EPS15: variants seen among roughly 807,000 people sequenced by gnomAD.
The protein encoded by EPS15 is epidermal growth factor receptor pathway substrate 15.
In EPS15, 72 loss-of-function variants were observed where a neutral mutation model predicts 113.8. That is an observed-to-expected ratio of 0.63 (90% CI 0.52 to 0.77). The LOEUF (loss-of-function observed/expected upper bound fraction) is 0.77, where lower values mean the gene tolerates loss of function less well. EPS15 is among the 30% of genes least tolerant of loss of function. EPS15 has a pLI of 0.00. For missense variants in EPS15, 1,048 were observed against 1,045.8 expected, an observed-to-expected ratio of 1.00 and a Z score of -0.03; for synonymous variants, 344 against 363.4, an observed-to-expected ratio of 0.95 and a Z score of 0.61.
At chr1:51,358,584 C>T (rs541983183) in intron 24 of EPS15, among the ~76,000 whole-genome samples, 2 of 151,978 alleles carry the variant, frequency 1.3e-5, no homozygotes, top group African/African-American at 4.8e-5. Flanking sequence ...TTAACCACAT[C>T]TTTCACAATG....
chr1:51,459,301 A>T (rs1654253483), intron 8 of EPS15, among the ~76,000 whole-genome samples: 1 of 152,154 alleles, frequency 6.6e-6, no homozygotes, highest in Admixed American at 6.5e-5. Context: ...GTTCAAGAGC[A>T]GCCTGGCCAA....
chr1:51,408,109 A>G (rs771223161), intron 15 of EPS15, 26 bp downstream of exon 15: 4 of 1,589,770 alleles, frequency 2.5e-6, no homozygotes, highest in South Asian at 1.1e-5. Context: ...CCATTTGAAT[A>G]TATTTCTTGC....
At chr1:51,471,853 C>A in intron 3 of EPS15, 116 bp from the exon 4 acceptor site, 1 of 813,798 alleles carries the variant, frequency 1.2e-6, no homozygotes, top group South Asian at 1.6e-5. Context: ...ATCTAAGAAT[C>A]ATAGAATTAA....
At chr1:51,493,233 C>A (rs182811922) in intron 1 of EPS15, among the ~76,000 whole-genome samples, 46 of 152,162 alleles carry the variant, frequency 3.0e-4, no homozygotes, top group Admixed American at 7.8e-4. Flanking sequence ...TGGTGGTGGG[C>A]GCCTGTAGTC....
At chr1:51,357,391 A>AAAAT (rs1491245303) in intron 24 of EPS15, among the ~76,000 whole-genome samples, 39 of 65,718 alleles carry the variant, frequency 5.9e-4, no homozygotes, top group Non-Finnish European at 8.3e-4. Context: ...AAAAAAAAAA[A>AAAAT]ATATATATAT....
At chr1:51,377,990 G>C (rs1475196869) in intron 21 of EPS15, among the ~76,000 whole-genome samples, 1 of 151,636 alleles carries the variant, frequency 6.6e-6, no homozygotes, top group Non-Finnish European at 1.5e-5. Flanking sequence ...CAGCCTCCTG[G>C]GTTCAAGCAA....
intron 21 of EPS15, among the ~76,000 whole-genome samples, chr1:51,391,783 T>C (rs1486812198): frequency 2.0e-5 from 3 of 152,170 alleles, no homozygotes; most frequent in Non-Finnish European, 2.9e-5. Flanking sequence ...GAACCAAGGA[T>C]GATTCTAAGA....
At chr1:51,451,863 C>G (rs141539851) in intron 8 of EPS15, among the ~76,000 whole-genome samples, 1 of 152,024 alleles carries the variant, frequency 6.6e-6, no homozygotes. Flanking sequence ...GTCCAGCAAC[C>G]ACGAAAAGAA....
chr1:51,451,902 C>CT (rs945312930), intron 8 of EPS15, among the ~76,000 whole-genome samples: 8 of 150,734 alleles, frequency 5.3e-5, no homozygotes, highest in East Asian at 3.9e-4. Flanking sequence ...ATTTTTATTT[C>CT]TTTTTTTTTG....
chr1:51,395,471 C>A (rs924730327), intron 20 of EPS15, among the ~76,000 whole-genome samples: 4 of 152,018 alleles, frequency 2.6e-5, no homozygotes, highest in African/African-American at 9.7e-5. Flanking sequence ...ATCTAAAAAT[C>A]ATTCTGCATT....
intron 1 of EPS15, among the ~76,000 whole-genome samples, chr1:51,515,057 C>T (rs968120777): frequency 1.3e-5 from 2 of 152,104 alleles, no homozygotes; most frequent in African/African-American, 4.8e-5. Flanking sequence ...GTACTGCGTA[C>T]TTGTTTAAAA....
At chr1:51,477,651 G>T (rs1427973392) in intron 2 of EPS15, among the ~76,000 whole-genome samples, 1 of 152,054 alleles carries the variant, frequency 6.6e-6, no homozygotes, top group Non-Finnish European at 1.5e-5. Flanking sequence ...CTGGTATGTT[G>T]TGTCTTTGTT....
chr1:51,508,320 A>G (rs948932820), intron 1 of EPS15, among the ~76,000 whole-genome samples: 14 of 139,860 alleles, frequency 1.0e-4, no homozygotes, highest in African/African-American at 2.9e-4. Flanking sequence ...GAAAGAGAGA[A>G]AGAGAGAAAG....
intron 1 of EPS15, among the ~76,000 whole-genome samples, chr1:51,517,219 G>A (rs1024484685): frequency 6.6e-6 from 1 of 152,024 alleles, no homozygotes; most frequent in Non-Finnish European, 1.5e-5. Flanking sequence ...AGAATATTCT[G>A]AATTTACTTA....
intron 12 of EPS15, among the ~76,000 whole-genome samples, chr1:51,434,161 C>T (rs1484287015): frequency 1.3e-5 from 2 of 152,178 alleles, no homozygotes; most frequent in African/African-American, 4.8e-5. Context: ...AACAGGTCTG[C>T]AATTACCATG....
In EPS15 at chr1:51,440,325, G is replaced by A. The variant is rs531927103; in HGVS notation, c.1040+22C>T. ...TGTGTGTGTGTGTGTATGTGAGTAGGCTGTAATTTTGCTTTACATACCTCT... is the reference window on the plus strand; with the variant it reads ...TGTGTGTGTGTGTGTATGTGAGTAGACTGTAATTTTGCTTTACATACCTCT... On this transcript the variant is annotated intron_variant, in intron 12 of 24. Transcript: ENST00000371733. 66 of 823,734 alleles carry A rather than the reference G, an allele frequency of 8.0e-5. 1 individual carries two copies. The South Asian group carries it at 9.6e-4, about 12-fold the overall frequency. The allele number at this position is 823,734 out of a possible 1,614,324, so 51.0% of individuals were successfully genotyped here.
At chr1:51,422,031 T>C in intron 12 of EPS15, 173 bp from the exon 13 acceptor site, 2 of 1,290,360 alleles carry the variant, frequency 1.5e-6, no homozygotes, top group African/African-American at 1.5e-5. Flanking sequence ...TAAAAATCAA[T>C]ATAAGCTCCA....
chr1:51,383,697 C>T (rs1385383962), intron 21 of EPS15, among the ~76,000 whole-genome samples: 1 of 152,140 alleles, frequency 6.6e-6, no homozygotes, highest in Non-Finnish European at 1.5e-5. Flanking sequence ...TGGTCCGTGG[C>T]CCAGGGTTTG....
chr1:51,488,532 T>C (rs957251134), intron 1 of EPS15, among the ~76,000 whole-genome samples: 1 of 149,632 alleles, frequency 6.7e-6, no homozygotes, highest in Admixed American at 6.7e-5. Flanking sequence ...TCAAAGCCCA[T>C]TCTACTACTT....
Sources: allele counts gnomAD v4.1 joint callset (sites outside exome capture counted in the v4.1 genomes callset), GRCh38; gene constraint gnomAD v4.1.1; transcripts MANE v1.5; gene names NCBI Gene and HGNC (gene_info 2026-07-23, HGNC 2026-07-21).